The following DOCK9 variants were observed in gnomAD, a reference collection of about 807,000 sequenced individuals.
The protein encoded by DOCK9 is dedicator of cytokinesis protein 9.
In DOCK9, 89 loss-of-function variants were observed where a neutral mutation model predicts 263.3. That is an observed-to-expected ratio of 0.34 (90% CI 0.28 to 0.40). The LOEUF (loss-of-function observed/expected upper bound fraction) is 0.40, where lower values mean the gene tolerates loss of function less well. Ranked by LOEUF, DOCK9 falls within the 10% of genes least tolerant of loss-of-function variation. The probability of loss-of-function intolerance (pLI) is 1.00; values close to 1 mark genes in which losing one functional copy is unlikely to be tolerated. For synonymous variants in DOCK9, 976 were observed against 973.1 expected (o/e 1.00, Z -0.06); for missense variants, 2,140 against 2,603.4 (o/e 0.82, Z 3.87).
intron 34 of DOCK9, among the ~76,000 whole-genome samples, chr13:98,853,729 C>G (rs531704571): frequency 6.6e-6 from 1 of 152,262 alleles, no homozygotes; most frequent in Admixed American, 6.5e-5. Context: ...CCTAGCTTGT[C>G]TCCTCAGCAC....
At chr13:98,997,116 T>C (rs1241919935) in intron 1 of DOCK9, among the ~76,000 whole-genome samples, 3 of 152,194 alleles carry the variant, frequency 2.0e-5, no homozygotes, top group African/African-American at 7.2e-5. Context: ...TTCTCGAATG[T>C]GTAGTCAATG....
intron 30 of DOCK9, among the ~76,000 whole-genome samples, chr13:98,864,991 C>T (rs1414618341): frequency 6.6e-6 from 1 of 152,172 alleles, no homozygotes; most frequent in Non-Finnish European, 1.5e-5. Flanking sequence ...TGAGGCCTCA[C>T]CAGAAGCCAA....
chr13:98,874,676 C>T (rs2142342223), intron 27 of DOCK9, among the ~76,000 whole-genome samples: 1 of 152,280 alleles, frequency 6.6e-6, no homozygotes, highest in Middle Eastern at 3.4e-3. Flanking sequence ...GAGAGCTAAA[C>T]AAATAAATAA....
rs1045248251 is a variant in DOCK9, at chr13:98,794,556, T to C, written c.*70A>G. ...TCCCTGTGCTCGGTCTCCCCAGTGA[T>C]TGGCTTTGGAAAGCATCCTGAGTTT... On this transcript the variant is annotated 3_prime_UTR_variant, in exon 53 of 53. Coordinates refer to ENST00000682017, the MANE Select transcript of DOCK9 (RefSeq NM_001366683.2). The C allele has an allele frequency of 4.2e-4, 643 of 1,523,440 alleles. 1 individual carries two copies. The highest frequency in any genetic ancestry group is 3.5e-4 in the Middle Eastern group (2 of 5,752). 94.4% of individuals were successfully genotyped at this position (1,523,440 alleles called of 1,614,324 possible). A position where few individuals can be genotyped will look rare whatever the true frequency, so the allele number is the denominator to read the frequency against.
At chr13:98,993,859 T>C (rs1169093827) in intron 1 of DOCK9, among the ~76,000 whole-genome samples, 1 of 152,256 alleles carries the variant, frequency 6.6e-6, no homozygotes. Context: ...TTATCTAATA[T>C]GTGAAATTTG....
chr13:98,894,597 G>A (rs2047100749), intron 15 of DOCK9, among the ~76,000 whole-genome samples: 1 of 152,018 alleles, frequency 6.6e-6, no homozygotes. Context: ...TGGTAGTTGA[G>A]CGAAGGAAAA....
intron 9 of DOCK9, among the ~76,000 whole-genome samples, chr13:98,909,123 TGA>T (rs1317865594): frequency 6.6e-6 from 1 of 152,064 alleles, no homozygotes; most frequent in Non-Finnish European, 1.5e-5. Flanking sequence ...GAGAGGAGAA[TGA>T]GAGGAAAATG....
intron 1 of DOCK9, among the ~76,000 whole-genome samples, chr13:98,983,529 C>T (rs566256461): frequency 6.6e-6 from 1 of 152,110 alleles, no homozygotes; most frequent in Admixed American, 6.5e-5. Context: ...GACAGTTTCT[C>T]GACCACAACC....
At chr13:98,822,186 A>C (rs1408457863) in intron 45 of DOCK9, among the ~76,000 whole-genome samples, 1 of 152,192 alleles carries the variant, frequency 6.6e-6, no homozygotes, top group East Asian at 1.9e-4. Context: ...TTTATGCTTC[A>C]AGGACAAGGT....
chr13:99,058,801 G>T (rs1441746659), intron 1 of DOCK9, among the ~76,000 whole-genome samples: 1 of 152,156 alleles, frequency 6.6e-6, no homozygotes, highest in African/African-American at 2.4e-5. Flanking sequence ...ACATGTAGCA[G>T]CCACACACGA....
intron 45 of DOCK9, among the ~76,000 whole-genome samples, chr13:98,816,486 A>T (rs2091864273): frequency 6.6e-6 from 1 of 152,088 alleles, no homozygotes; most frequent in Non-Finnish European, 1.5e-5. Context: ...TAGTGAGGTC[A>T]GGTGAAGAAA....
chr13:99,065,551 G>A (rs1338203609), intron 1 of DOCK9, among the ~76,000 whole-genome samples: 1 of 152,130 alleles, frequency 6.6e-6, no homozygotes, highest in African/African-American at 2.4e-5. Flanking sequence ...GACACCAGAC[G>A]CAACTACTCA....
chr13:98,842,763 A>G (rs1313349182), intron 38 of DOCK9, among the ~76,000 whole-genome samples: 1 of 152,224 alleles, frequency 6.6e-6, no homozygotes, highest in Non-Finnish European at 1.5e-5. Context: ...ATACACAATG[A>G]GCACAAATTA....
chr13:98,962,986 C>T lies in DOCK9; in HGVS notation c.127-7435G>A, dbSNP rs556254671. On this transcript the variant is annotated intron_variant, in intron 1 of 52. Coordinates refer to ENST00000682017, the MANE Select transcript of DOCK9 (RefSeq NM_001366683.2). ...GAAGAGAGCAGGCAGGCAGGACACC[C>T]CATGGGACACTGCTCACAGAGGGTT... Among the ~76,000 whole-genome samples, 20 of 152,256 alleles carry T rather than the reference C, an allele frequency of 1.3e-4. No individual in the cohort carries two copies. The South Asian group carries it at 3.9e-3, about 30-fold the overall frequency.
At chr13:98,831,220 T>C in intron 41 of DOCK9, 128 bp downstream of exon 41, 1 of 1,065,310 alleles carries the variant, frequency 9.4e-7, no homozygotes, top group Non-Finnish European at 1.3e-6. Flanking sequence ...CAAACGTGGC[T>C]TCCCAGTTTT....
At chr13:98,911,381 T>C (rs2049997895) in intron 9 of DOCK9, among the ~76,000 whole-genome samples, 1 of 152,162 alleles carries the variant, frequency 6.6e-6, no homozygotes, top group Admixed American at 6.5e-5. Context: ...GATTTGATCA[T>C]CACACATTGT....
chr13:98,809,399 C>G lies in DOCK9; in HGVS notation c.5320G>C (p.Gly1774Arg). The G allele has an allele frequency of 3.7e-6, 6 of 1,613,730 alleles. No individual in the cohort carries two copies. Among genetic ancestry groups the G allele is most frequent in the Admixed American group, 1.7e-5 (1 of 60,002 alleles). Residue 1774 changes from glycine to arginine, a missense_variant, in exon 47 of 53, where the codon GGC becomes CGC. Coordinates refer to ENST00000682017, the MANE Select transcript of DOCK9 (RefSeq NM_001366683.2). ...AAGTAGGTCCCCAGAAGCCTGCGGC[C>G]CGAGTGCATGACCTCGGTCACTTTG... ...YSKVTEVMHS[G>R]RRLLGTYFRV... is the part of the protein sequence containing the mutation.
Position 98,885,035 on chromosome 13 carries a change from T to G in DOCK9, c.2318A>C (p.His773Pro). 1.2e-6 allele frequency: 2 copies of G among 1,613,704 alleles called. No homozygotes were observed. Among genetic ancestry groups the G allele is most frequent in the African/African-American group, 2.7e-5 (2 of 75,016 alleles). The change falls in exon 21 of 53, where the codon CAC (histidine) becomes CCC (proline). Residue 773 changes from histidine (H) to proline (P), a missense_variant. Coordinates refer to ENST00000682017, the MANE Select transcript of DOCK9 (RefSeq NM_001366683.2). ...AGGAAGGTTCGCCGAGACCGGGATGTGCTGCTCGCTTGTCACCACCCTTCC... is the reference window on the plus strand; with the variant it reads ...AGGAAGGTTCGCCGAGACCGGGATGGGCTGCTCGCTTGTCACCACCCTTCC... ...KDGRVVTSEQ[H>P]IPVSANLPSG... is the part of the protein sequence containing the mutation.
chr13:98,824,327 C>G, intron 45 of DOCK9, 71 bp downstream of exon 45: 1 of 1,346,646 alleles, frequency 7.4e-7, no homozygotes, highest in Non-Finnish European at 1.1e-6. Flanking sequence ...TGGTCTGATG[C>G]ACTAGCAATG....
Sources: allele counts gnomAD v4.1 joint callset (sites outside exome capture counted in the v4.1 genomes callset), GRCh38; gene constraint gnomAD v4.1.1; transcripts MANE v1.5; gene names NCBI Gene and HGNC (gene_info 2026-07-23, HGNC 2026-07-21).